The following FHOD3 variants were observed in gnomAD, a reference collection of about 807,000 sequenced individuals.
The protein encoded by FHOD3 is FH1/FH2 domain-containing protein 3.
In FHOD3, 90 loss-of-function variants were observed where a neutral mutation model predicts 173.0. The ratio of observed to expected loss-of-function variants is 0.52; its 90% CI spans 0.44 to 0.62. The LOEUF (loss-of-function observed/expected upper bound fraction) is 0.62, where lower values mean the gene tolerates loss of function less well. Among genes scored for constraint, FHOD3 ranks in the 20% least tolerant of loss-of-function variants. FHOD3 has a pLI of 0.00. For missense variants in FHOD3, 1,945 were observed against 2,034.7 expected, an observed-to-expected ratio of 0.96 and a Z score of 0.85; for synonymous variants, 828 against 823.0, an observed-to-expected ratio of 1.01 and a Z score of -0.10.
intron 1 of FHOD3, among the ~76,000 whole-genome samples, chr18:36,353,858 C>CT (rs2046242701): frequency 6.6e-6 from 1 of 152,210 alleles, no homozygotes; most frequent in Non-Finnish European, 1.5e-5. Context: ...CAGCAAAGTG[C>CT]TCTCTTCCAT....
chr18:36,441,707 C>T (rs2051163091), intron 3 of FHOD3, among the ~76,000 whole-genome samples: 2 of 152,182 alleles, frequency 1.3e-5, no homozygotes. Context: ...GTGTAATTGC[C>T]GTGATGCTCC....
chr18:36,403,313 A>G (rs1269710981), intron 3 of FHOD3, among the ~76,000 whole-genome samples: 1 of 152,208 alleles, frequency 6.6e-6, no homozygotes, highest in East Asian at 1.9e-4. Flanking sequence ...GTGAATCTGC[A>G]TGCTTATTGG....
At chr18:36,470,820 T>G (rs1191815896) in intron 3 of FHOD3, among the ~76,000 whole-genome samples, 1 of 152,142 alleles carries the variant, frequency 6.6e-6, no homozygotes, top group East Asian at 1.9e-4. Flanking sequence ...GCAATGGAAT[T>G]GGAAATGAAA....
intron 5 of FHOD3, among the ~76,000 whole-genome samples, chr18:36,569,940 T>C (rs2058395880): frequency 1.3e-5 from 2 of 152,030 alleles, no homozygotes; most frequent in Admixed American, 6.6e-5. Context: ...ATTTCTAGCA[T>C]TACCTGCATA....
intron 9 of FHOD3, among the ~76,000 whole-genome samples, chr18:36,621,322 A>G (rs2033687205): frequency 6.6e-6 from 1 of 152,224 alleles, no homozygotes; most frequent in African/African-American, 2.4e-5. Flanking sequence ...GATAGGAAGT[A>G]TGTATCAGTT....
At chr18:36,645,455 T>C (rs1487873087) in intron 10 of FHOD3, among the ~76,000 whole-genome samples, 1 of 152,028 alleles carries the variant, frequency 6.6e-6, no homozygotes, top group African/African-American at 2.4e-5. Context: ...GGCTTAGATG[T>C]GCTTGTTTGT....
chr18:36,451,608 C>T (rs149887567), intron 3 of FHOD3, among the ~76,000 whole-genome samples: 159 of 152,318 alleles, frequency 1.0e-3, no homozygotes, highest in African/African-American at 3.7e-3. Flanking sequence ...TTGCCTCCCT[C>T]CTCTTCCTTC....
At chr18:36,773,274 G>A (rs2043474355) in intron 28 of FHOD3, among the ~76,000 whole-genome samples, 1 of 152,160 alleles carries the variant, frequency 6.6e-6, no homozygotes, top group South Asian at 2.1e-4. Context: ...CACAGTGTCC[G>A]CCTGAGTGCC....
intron 24 of FHOD3, among the ~76,000 whole-genome samples, chr18:36,753,207 T>C (rs1321909337): frequency 1.3e-5 from 2 of 152,122 alleles, no homozygotes; most frequent in Non-Finnish European, 2.9e-5. Flanking sequence ...AGTGGCCTCC[T>C]CACCCCTCCC....
chr18:36,706,280 A>G (rs772145309), intron 17 of FHOD3, among the ~76,000 whole-genome samples: 2 of 152,178 alleles, frequency 1.3e-5, no homozygotes, highest in African/African-American at 4.8e-5. Flanking sequence ...TGTGTGTGAC[A>G]GTTATTTAAT....
Position 36,759,127 on chromosome 18 carries a change from G to A in FHOD3, c.4435G>A (p.Glu1479Lys). The A allele has an allele frequency of 1.3e-6, 2 of 1,535,936 alleles. No homozygotes were observed. The highest frequency in any genetic ancestry group is 2.4e-5 in the South Asian group (2 of 84,052). Reference sequence around the variant, plus strand: ...CTGTCCTCTCGGGTAGACTGATGAGGAGGAGGAAGTTGAGGTATGACCATT... The same window carrying A: ...CTGTCCTCTCGGGTAGACTGATGAGAAGGAGGAAGTTGAGGTATGACCATT... ...RGKMITDTDEEEEVESGKFSG... is the reference protein window; with the variant it reads ...RGKMITDTDEKEEVESGKFSG... The change falls in exon 26 of 29, where the codon GAG (glutamate) becomes AAG (lysine). Residue 1479 changes from glutamate (E) to lysine (K), a missense_variant. This residue lies in a region of FHOD3 where 354 missense variants were observed against 359.9 expected (regional missense o/e 0.98). Transcript: ENST00000590592.
intron 3 of FHOD3, among the ~76,000 whole-genome samples, chr18:36,411,383 G>T (rs534748519): frequency 2.0e-5 from 3 of 152,212 alleles, no homozygotes; most frequent in Non-Finnish European, 4.4e-5. Flanking sequence ...TCCTCAAAGG[G>T]TATCATTTGT....
At chr18:36,462,265 C>T (rs2052598407) in intron 3 of FHOD3, among the ~76,000 whole-genome samples, 1 of 151,896 alleles carries the variant, frequency 6.6e-6, no homozygotes, top group Admixed American at 6.6e-5. Context: ...GCTTTCCCTC[C>T]AGCTACCTTC....
At chr18:36,335,490 G>A (rs1358412068) in intron 1 of FHOD3, among the ~76,000 whole-genome samples, 14 of 134,980 alleles carry the variant, frequency 1.0e-4, no homozygotes, top group East Asian at 7.9e-4. Context: ...GCGAGACTCC[G>A]TCTAAAAAAA....
chr18:36,636,394 C>G (rs916224361), intron 10 of FHOD3, among the ~76,000 whole-genome samples: 5 of 152,142 alleles, frequency 3.3e-5, no homozygotes, highest in African/African-American at 1.2e-4. Context: ...CCTGTGGAGG[C>G]AGCCTGGTGG....
chr18:36,378,601 A>C (rs1472318905), intron 3 of FHOD3, among the ~76,000 whole-genome samples: 4 of 149,808 alleles, frequency 2.7e-5, no homozygotes, highest in South Asian at 2.1e-4. Flanking sequence ...TGCCACAAAA[A>C]AAAAAAAAAA....
intron 17 of FHOD3, among the ~76,000 whole-genome samples, chr18:36,695,980 G>A (rs2039259321): frequency 6.6e-6 from 1 of 152,272 alleles, no homozygotes; most frequent in Middle Eastern, 3.4e-3. Flanking sequence ...CCAAACACCT[G>A]GCATGTCCAA....
At chr18:36,748,206 C>T (rs1852731542) in intron 24 of FHOD3, among the ~76,000 whole-genome samples, 1 of 152,114 alleles carries the variant, frequency 6.6e-6, no homozygotes, top group African/African-American at 2.4e-5. Flanking sequence ...CCCTGACTAT[C>T]TATCTAGACC....
chr18:36,715,771 T>A (rs983016285), intron 18 of FHOD3, among the ~76,000 whole-genome samples: 28 of 151,982 alleles, frequency 1.8e-4, no homozygotes, highest in Non-Finnish European at 2.5e-4. Flanking sequence ...TGATCAACAG[T>A]GTTGGGGGAG....
Sources: gnomAD v4.1 joint callset for allele counts (sites outside exome capture counted in the v4.1 genomes callset) on GRCh38, gnomAD v4.1.1 for gene constraint, gnomAD v4.1.1 regional missense constraint, MANE v1.5 for transcripts, NCBI Gene and HGNC (gene_info 2026-07-23, HGNC 2026-07-21) for gene names.